Variants in FUT8 observed in about 807,000 individuals in gnomAD.
FUT8 encodes the protein fucosyltransferase 8.
A neutral mutation model predicts 71.3 loss-of-function variants in FUT8; 29 were observed. The observed-to-expected ratio is 0.41, with a 90% CI of 0.30 to 0.55. The LOEUF (loss-of-function observed/expected upper bound fraction) is 0.55. Ranked by LOEUF, FUT8 falls within the 20% of genes least tolerant of loss-of-function variation. The pLI, the probability that FUT8 is intolerant of heterozygous loss-of-function variation, is 0.34. For missense variants in FUT8, 544 were observed against 702.1 expected, an observed-to-expected ratio of 0.77 and a Z score of 2.55; for synonymous variants, 254 against 239.3, an observed-to-expected ratio of 1.06 and a Z score of -0.57.
At chr14:65,729,667 ACC>A (rs1343487046) in intron 9 of FUT8, among the ~76,000 whole-genome samples, 16 of 152,126 alleles carry the variant, frequency 1.1e-4, no homozygotes, top group African/African-American at 3.9e-4. Flanking sequence ...GGCACATGCC[ACC>A]ACACTCAGCT....
intron 1 of FUT8, among the ~76,000 whole-genome samples, chr14:65,422,485 T>A (rs2065313277): frequency 6.6e-6 from 1 of 152,012 alleles, no homozygotes; most frequent in Admixed American, 6.6e-5. Context: ...TTTAGGCGGA[T>A]ATTCTTTCTC....
intron 2 of FUT8, 75 bp downstream of exon 2, chr14:65,455,793 G>T (rs45599944): frequency 3.0e-4 from 117 of 395,550 alleles, no homozygotes; most frequent in Admixed American, 6.2e-4. Flanking sequence ...TAATTTTGTG[G>T]TTAAAGCTAC....
At chr14:65,688,818 G>A (rs1893432490) in intron 7 of FUT8, among the ~76,000 whole-genome samples, 1 of 152,160 alleles carries the variant, frequency 6.6e-6, no homozygotes, top group Non-Finnish European at 1.5e-5. Flanking sequence ...TATCTAGGCT[G>A]TTATAACAAA....
chr14:65,427,849 A>G (rs538232751), intron 1 of FUT8, among the ~76,000 whole-genome samples: 169 of 152,312 alleles, frequency 1.1e-3, no homozygotes, highest in African/African-American at 3.9e-3. Context: ...GCCTATCCCC[A>G]GCTCCAGGCA....
At chr14:65,630,788 A>G (rs1890142137) in intron 6 of FUT8, among the ~76,000 whole-genome samples, 2 of 152,202 alleles carry the variant, frequency 1.3e-5, no homozygotes, top group South Asian at 4.1e-4. Context: ...TTTCAGGGGA[A>G]AACAATGAGT....
chr14:65,500,933 T>A (rs1178665125), intron 2 of FUT8, among the ~76,000 whole-genome samples: 1 of 152,248 alleles, frequency 6.6e-6, no homozygotes, highest in Non-Finnish European at 1.5e-5. Context: ...TCTTAGGTTA[T>A]GCTTCTTCTT....
intron 1 of FUT8, among the ~76,000 whole-genome samples, chr14:65,444,993 C>G (rs2065717256): frequency 6.6e-6 from 1 of 152,008 alleles, no homozygotes. Flanking sequence ...ATCATGAGGT[C>G]AGGAGTTCAA....
intron 1 of FUT8, among the ~76,000 whole-genome samples, chr14:65,435,447 T>C (rs1325286877): frequency 1.3e-5 from 2 of 152,222 alleles, no homozygotes; most frequent in African/African-American, 4.8e-5. Context: ...GTTCGTTCCT[T>C]TACATTGCTG....
chr14:65,645,009 A>G (rs1349972249), intron 6 of FUT8, among the ~76,000 whole-genome samples: 1 of 152,206 alleles, frequency 6.6e-6, no homozygotes, highest in South Asian at 2.1e-4. Context: ...AAACAGCTAA[A>G]TATACTGCAG....
Position 65,574,449 on chromosome 14 carries a change from A to G in FUT8, c.203+12683A>G, listed in dbSNP as rs1221903526. ...ACAGCAGGGATCATGTGTTTTTAACATGTTTTATTGTGCTCGATAATAACA... is the reference window on the plus strand; with the variant it reads ...ACAGCAGGGATCATGTGTTTTTAACGTGTTTTATTGTGCTCGATAATAACA... On this transcript the variant is annotated intron_variant, in intron 3 of 10. Transcript: ENST00000673929. This position sits in a 1 kb window ranked among gnomAD's most constrained non-coding sequence, Gnocchi z 5.2. Among the ~76,000 whole-genome samples, 6 of 152,140 alleles carry G rather than the reference A, an allele frequency of 3.9e-5. No individual in the cohort carries two copies. Among genetic ancestry groups the G allele is most frequent in the African/African-American group, 1.4e-4 (6 of 41,424 alleles).
At chr14:65,380,443 A>T in the FUT8 span, among the ~76,000 whole-genome samples, 1 of 152,174 alleles carries the variant, frequency 6.6e-6, no homozygotes, top group Non-Finnish European at 1.5e-5. Context: ...TTAGACAAAA[A>T]TAATAAATGG....
At chr14:65,447,442 T>C (rs1466432027) in intron 1 of FUT8, among the ~76,000 whole-genome samples, 2 of 152,164 alleles carry the variant, frequency 1.3e-5, no homozygotes, top group Admixed American at 1.3e-4. Flanking sequence ...GGAAAATACC[T>C]TTATTTTATA....
Position 65,743,612 on chromosome 14 carries a change from G to C in FUT8, c.*1202G>C, listed in dbSNP as rs556660012. The C allele has an allele frequency of 6.6e-6, 1 of 151,974 alleles. No individual in the cohort carries two copies. The highest frequency in any genetic ancestry group is 1.5e-5 in the Non-Finnish European group (1 of 67,876). 9.4% of individuals were successfully genotyped at this position (151,974 alleles called of 1,614,324 possible). ...TACCAGGTATCTTTGGGATTGGGAA[G>C]CTGGCTGTTTCAGAAGTATATGTCT... On this transcript the variant is annotated 3_prime_UTR_variant, in exon 11 of 11. Coordinates refer to ENST00000673929, the MANE Select transcript of FUT8 (RefSeq NM_001371533.1).
chr14:65,432,324 C>CA (rs1279783436), intron 1 of FUT8, among the ~76,000 whole-genome samples: 1 of 151,976 alleles, frequency 6.6e-6, no homozygotes, highest in East Asian at 1.9e-4. Flanking sequence ...ATCTAATTGT[C>CA]ATGCTGTCAT....
At chr14:65,589,719 C>T (rs1245423048) in intron 3 of FUT8, among the ~76,000 whole-genome samples, 3 of 152,278 alleles carry the variant, frequency 2.0e-5, no homozygotes, top group African/African-American at 7.2e-5. Context: ...GCTGGGATTA[C>T]AGGCCTGAGC....
intron 10 of FUT8, among the ~76,000 whole-genome samples, chr14:65,736,322 G>A (rs566589546): frequency 9.3e-4 from 141 of 151,750 alleles, no homozygotes; most frequent in Non-Finnish European, 1.7e-3. Context: ...ACACTCTATA[G>A]TATTTATTTT....
intron 1 of FUT8, among the ~76,000 whole-genome samples, chr14:65,435,771 G>T (rs985561958): frequency 6.7e-6 from 1 of 150,174 alleles, no homozygotes; most frequent in Non-Finnish European, 1.5e-5. Flanking sequence ...CTAGCACTTG[G>T]TAGTATCTGT....
chr14:65,641,396 A>C (rs1890822584), intron 6 of FUT8, among the ~76,000 whole-genome samples: 1 of 152,098 alleles, frequency 6.6e-6, no homozygotes, highest in African/African-American at 2.4e-5. Context: ...GTTATGCCAA[A>C]ATTTACTTAT....
chr14:65,549,565 A>G (rs961995656), intron 2 of FUT8, among the ~76,000 whole-genome samples: 7 of 152,198 alleles, frequency 4.6e-5, no homozygotes, highest in Admixed American at 3.9e-4. Flanking sequence ...TGTTCTGAGA[A>G]GTCCTTTTCT....
Sources: allele counts gnomAD v4.1 joint callset (sites outside exome capture counted in the v4.1 genomes callset), GRCh38; gene constraint gnomAD v4.1.1; non-coding constraint Gnocchi (gnomAD v3.1); transcripts MANE v1.5; gene names NCBI Gene and HGNC (gene_info 2026-07-23, HGNC 2026-07-21).